The following B3GLCT variants were observed in gnomAD, a reference collection of about 807,000 sequenced individuals.
B3GLCT encodes the protein beta 3-glucosyltransferase, also known as beta-1,3-glucosyltransferase.
Under a neutral mutation model 63.4 loss-of-function variants are expected in B3GLCT, and 65 were observed. The observed-to-expected ratio is 1.03, with a 90% CI of 0.84 to 1.26. B3GLCT has a LOEUF of 1.26. Among genes scored for constraint, B3GLCT ranks in the 50% most tolerant of loss-of-function variants. The probability of loss-of-function intolerance (pLI) is 0.00; values close to 1 mark genes in which losing one functional copy is unlikely to be tolerated. For synonymous variants in B3GLCT, 233 were observed against 219.2 expected (o/e 1.06, Z -0.55); for missense variants, 577 against 604.8 (o/e 0.95, Z 0.48).
chr13:31,266,599 A>T (rs1292786848), intron 7 of B3GLCT, among the ~76,000 whole-genome samples: 2 of 152,248 alleles, frequency 1.3e-5, no homozygotes, highest in East Asian at 3.9e-4. Context: ...TTGCAAGGTG[A>T]CTGGATGACT....
intron 7 of B3GLCT, among the ~76,000 whole-genome samples, chr13:31,263,179 C>A (rs1285782164): frequency 6.6e-6 from 1 of 152,190 alleles, no homozygotes; most frequent in Non-Finnish European, 1.5e-5. Flanking sequence ...ATCCTGAAGG[C>A]AAATCCTTAT....
intron 12 of B3GLCT, among the ~76,000 whole-genome samples, chr13:31,299,820 G>T (rs1874135889): frequency 6.6e-6 from 1 of 152,058 alleles, no homozygotes; most frequent in Non-Finnish European, 1.5e-5. Flanking sequence ...CTACTTTAAT[G>T]CACCCCTCAA....
At chr13:31,289,738 G>A (rs1246033530) in intron 12 of B3GLCT, among the ~76,000 whole-genome samples, 1 of 152,132 alleles carries the variant, frequency 6.6e-6, no homozygotes, top group Admixed American at 6.5e-5. Context: ...CCACTAGGTA[G>A]GGACAAAGCC....
intron 10 of B3GLCT, among the ~76,000 whole-genome samples, chr13:31,278,451 A>G (rs868172303): frequency 3.3e-5 from 5 of 152,350 alleles, no homozygotes; most frequent in South Asian, 2.1e-4. Context: ...GGAGCATTAG[A>G]AACAAACCTT....
intron 10 of B3GLCT, among the ~76,000 whole-genome samples, chr13:31,277,572 T>C (rs1277048198): frequency 6.6e-6 from 1 of 152,208 alleles, no homozygotes; most frequent in East Asian, 1.9e-4. Context: ...GTGGTATTTA[T>C]GTAGGAGAGA....
intron 4 of B3GLCT, among the ~76,000 whole-genome samples, chr13:31,231,391 C>A (rs925790773): frequency 2.0e-5 from 3 of 152,196 alleles, no homozygotes; most frequent in Non-Finnish European, 2.9e-5. Context: ...CTGCTCCCAG[C>A]AATACCTTTC....
intron 7 of B3GLCT, among the ~76,000 whole-genome samples, chr13:31,268,065 C>G (rs1872416659): frequency 6.6e-6 from 1 of 152,084 alleles, no homozygotes; most frequent in African/African-American, 2.4e-5. Flanking sequence ...AGGATGGGCT[C>G]TAACTCCTAG....
chr13:31,228,670 G>T (rs1870221480), intron 3 of B3GLCT, among the ~76,000 whole-genome samples: 2 of 152,220 alleles, frequency 1.3e-5, no homozygotes, highest in Non-Finnish European at 2.9e-5. Flanking sequence ...TCACCCTGAT[G>T]ACCTCGCTTT....
intron 2 of B3GLCT, among the ~76,000 whole-genome samples, chr13:31,219,243 C>G (rs1053562558): frequency 6.6e-6 from 1 of 152,170 alleles, no homozygotes; most frequent in African/African-American, 2.4e-5. Flanking sequence ...AAAAGCTAAT[C>G]CACCACAGTT....
intron 6 of B3GLCT, among the ~76,000 whole-genome samples, chr13:31,257,400 A>T (rs1201136955): frequency 6.6e-6 from 1 of 152,052 alleles, no homozygotes; most frequent in East Asian, 1.9e-4. Flanking sequence ...TTTCATCTCA[A>T]GCTGAGGTCA....
chr13:31,273,273 T>C lies in B3GLCT; in HGVS notation c.661-1236T>C, dbSNP rs554756523. 3.1e-3 allele frequency among the ~76,000 whole-genome samples: 476 copies of C among 152,178 alleles called. 3 individuals carry two copies. The highest frequency in any genetic ancestry group is 0.011 in the African/African-American group (454 of 41,520). ...CCACGACCAGCTAATTTTTGTATTT[T>C]TAAGTAAAGATGGGGTTTCACCATA... On this transcript the variant is annotated intron_variant, in intron 8 of 14. Transcript: ENST00000343307.
At chr13:31,237,104 C>A (rs2137786868) in intron 4 of B3GLCT, among the ~76,000 whole-genome samples, 1 of 140,416 alleles carries the variant, frequency 7.1e-6, no homozygotes, top group Non-Finnish European at 1.5e-5. Context: ...CCGGCCTGGG[C>A]AACAGAGCGA....
intron 12 of B3GLCT, among the ~76,000 whole-genome samples, chr13:31,316,357 A>C (rs1264836473): frequency 6.9e-6 from 1 of 144,676 alleles, no homozygotes; most frequent in South Asian, 2.2e-4. Flanking sequence ...CACCTCTTGC[A>C]TCAGCATGTC....
chr13:31,296,273 A>T (rs1873938629), intron 12 of B3GLCT, among the ~76,000 whole-genome samples: 2 of 152,176 alleles, frequency 1.3e-5, no homozygotes, highest in African/African-American at 4.8e-5. Context: ...CTTGCCAGCC[A>T]TCTCCTGTTT....
rs563203490 is a variant in B3GLCT, at chr13:31,216,048, A to G, written c.120+948A>G. 1.6e-3 allele frequency among the ~76,000 whole-genome samples: 242 copies of G among 152,264 alleles called. 1 individual carries two copies. Among genetic ancestry groups the G allele is most frequent in the African/African-American group, 5.5e-3 (230 of 41,544 alleles). On this transcript the variant is annotated intron_variant, in intron 2 of 14. Coordinates refer to ENST00000343307, the MANE Select transcript of B3GLCT (RefSeq NM_194318.4). ...ATCAGTTTAGCATGTAAAAAAGGAA[A>G]CAGTAGTTTAAAATATCAGTTGTTT...
At chr13:31,281,629 A>G (rs376364786) in intron 10 of B3GLCT, among the ~76,000 whole-genome samples, 1 of 152,030 alleles carries the variant, frequency 6.6e-6, no homozygotes, top group South Asian at 2.1e-4. Context: ...GCTTAGGTAC[A>G]CCTCAGTCTT....
chr13:31,251,177 A>T (rs1228556085), intron 6 of B3GLCT, among the ~76,000 whole-genome samples: 1 of 152,192 alleles, frequency 6.6e-6, no homozygotes, highest in East Asian at 1.9e-4. Context: ...AACATCAACA[A>T]AAAGGACGTC....
intron 4 of B3GLCT, among the ~76,000 whole-genome samples, chr13:31,235,097 G>A (rs558836501): frequency 1.9e-4 from 29 of 152,138 alleles, no homozygotes; most frequent in Admixed American, 5.2e-4. Flanking sequence ...TGGGGGTGGC[G>A]TAGGGGTGCT....
At chr13:31,266,160 C>G (rs186237868) in intron 7 of B3GLCT, among the ~76,000 whole-genome samples, 165 of 152,002 alleles carry the variant, frequency 1.1e-3, no homozygotes, top group African/African-American at 3.2e-3. Context: ...ACCACACCCG[C>G]CTAATATTTT....
Sources: gnomAD v4.1 joint callset for allele counts (sites outside exome capture counted in the v4.1 genomes callset) on GRCh38, gnomAD v4.1.1 for gene constraint, MANE v1.5 for transcripts, NCBI Gene and HGNC (gene_info 2026-07-23, HGNC 2026-07-21) for gene names.